WDR45B: variants seen among roughly 807,000 people sequenced by gnomAD.
The protein encoded by WDR45B is WD repeat domain 45B.
Under a neutral mutation model 44.6 loss-of-function variants are expected in WDR45B, and 20 were observed. That is an observed-to-expected ratio of 0.45 (90% CI 0.32 to 0.65). WDR45B has a LOEUF of 0.65. Ranked by LOEUF, WDR45B falls within the 30% of genes least tolerant of loss-of-function variation. The pLI, the probability that WDR45B is intolerant of heterozygous loss-of-function variation, is 0.05. For missense variants in WDR45B, 323 were observed against 430.2 expected, an observed-to-expected ratio of 0.75 and a Z score of 2.20; for synonymous variants, 169 against 164.9, an observed-to-expected ratio of 1.02 and a Z score of -0.19.
At chr17:82,642,650 A>C (rs1359912981) in intron 2 of WDR45B, among the ~76,000 whole-genome samples, 1 of 152,172 alleles carries the variant, frequency 6.6e-6, no homozygotes. Flanking sequence ...AACCTGTGGG[A>C]TCTGACTCTA....
chr17:82,647,274 A>C (rs529545663), intron 1 of WDR45B, among the ~76,000 whole-genome samples: 98 of 152,342 alleles, frequency 6.4e-4, no homozygotes, highest in African/African-American at 2.0e-3. Context: ...ATCATACAGC[A>C]CCTGCCTGGA....
At chr17:82,643,657 T>C (rs1364759227) in intron 2 of WDR45B, among the ~76,000 whole-genome samples, 1 of 152,206 alleles carries the variant, frequency 6.6e-6, no homozygotes, top group African/African-American at 2.4e-5. Flanking sequence ...AAGAGGTTTC[T>C]GCTGCCAAAA....
At position 82,614,949 on chromosome 17, in the gene WDR45B, T is replaced by TGAGGG. The variant is rs997276531; in HGVS notation, c.*965_*969dup. ...GTTAGTGTGTAGCTATTCTTACAAATGAGGGGAGGGGAGACGGTGGACCTG... is the reference window on the plus strand; with the variant it reads ...GTTAGTGTGTAGCTATTCTTACAAATGAGGGGAGGGGAGGGGAGACGGTGGACCTG... On this transcript the variant is annotated 3_prime_UTR_variant, in exon 10 of 10. Coordinates refer to ENST00000392325, the MANE Select transcript of WDR45B (RefSeq NM_019613.4). The TGAGGG allele has an allele frequency of 1.3e-5, 2 of 152,148 alleles. No individual in the cohort carries two copies. Among genetic ancestry groups the TGAGGG allele is most frequent in the Admixed American group, 6.5e-5 (1 of 15,278 alleles). The allele number at this position is 152,148 out of a possible 1,614,324, so 9.4% of individuals were successfully genotyped here.
chr17:82,640,260 C>G (rs911456222), intron 2 of WDR45B, among the ~76,000 whole-genome samples: 2 of 152,148 alleles, frequency 1.3e-5, no homozygotes, highest in African/African-American at 4.8e-5. Context: ...CACTGTCATG[C>G]AGGCTTCCTT....
chr17:82,622,642 C>G (rs1376637435), intron 5 of WDR45B, among the ~76,000 whole-genome samples: 3 of 152,088 alleles, frequency 2.0e-5, no homozygotes, highest in Non-Finnish European at 2.9e-5. Flanking sequence ...CCATATTAGC[C>G]AGGATGGTCT....
chr17:82,627,276 T>C lies in WDR45B; in HGVS notation c.260A>G (p.Asp87Gly). The change falls in exon 4 of 10, where the codon GAC (aspartate) becomes GGC (glycine). Residue 87 changes from aspartate to glycine, a missense_variant. Transcript: ENST00000392325. ...TTCAATAACAGTCTTCTTCTTCAGG[T>C]CATCCCAGATCATTACTGAAATATC... is the stretch of plus-strand genomic sequence containing the variant. The part of the protein sequence containing the change: ...YPPNKVMIWD[D>G]LKKKTVIEIE... 1 of 1,611,864 alleles carries C rather than the reference T, an allele frequency of 6.2e-7. No individual in the cohort carries two copies. The highest frequency in any genetic ancestry group is 8.5e-7 in the Non-Finnish European group (1 of 1,178,920).
At chr17:82,631,259 G>A (rs1192051280) in intron 2 of WDR45B, among the ~76,000 whole-genome samples, 1 of 149,142 alleles carries the variant, frequency 6.7e-6, no homozygotes, top group Non-Finnish European at 1.5e-5. Flanking sequence ...TTCCCAAGTA[G>A]CTGGGAATAC....
At chr17:82,620,157 G>T (rs1379901136) in intron 6 of WDR45B, among the ~76,000 whole-genome samples, 2 of 152,238 alleles carry the variant, frequency 1.3e-5, no homozygotes, top group Non-Finnish European at 2.9e-5. Flanking sequence ...TAAAGGGCTG[G>T]GTGCGGTGGC....
In WDR45B at chr17:82,616,035, A is replaced by G. The variant is rs2045529130; in HGVS notation, c.929-10T>C. 2.5e-6 allele frequency: 4 copies of G among 1,611,558 alleles called. No homozygotes were observed. Among genetic ancestry groups the G allele is most frequent in the South Asian group, 1.1e-5 (1 of 91,030 alleles). ...CCGTCTGCACAAATTGCTGGGATAG[A>G]AGGAGACCATTTTACCTGTGTGTTT... On this transcript the variant is annotated splice_polypyrimidine_tract_variant and intron_variant, in intron 9 of 9. Coordinates refer to ENST00000392325, the MANE Select transcript of WDR45B (RefSeq NM_019613.4).
At chr17:82,630,882 A>C in intron 3 of WDR45B, 39 bp downstream of exon 3, 3 of 1,559,458 alleles carry the variant, frequency 1.9e-6, no homozygotes, top group Non-Finnish European at 2.6e-6. Context: ...ACTGGGTGGG[A>C]CACGTGAGGC....
intron 1 of WDR45B, among the ~76,000 whole-genome samples, chr17:82,647,404 G>A (rs907076785): frequency 6.6e-6 from 1 of 152,184 alleles, no homozygotes; most frequent in Admixed American, 6.5e-5. Context: ...CCCTTCAAAT[G>A]GGAGGTGAGG....
At chr17:82,633,356 TTAA>T (rs1295227740) in intron 2 of WDR45B, among the ~76,000 whole-genome samples, 1 of 152,010 alleles carries the variant, frequency 6.6e-6, no homozygotes, top group Admixed American at 6.6e-5. Flanking sequence ...AATAAAAAAA[TTAA>T]TAATCTGATT....
intron 2 of WDR45B, among the ~76,000 whole-genome samples, chr17:82,632,020 G>T (rs973702635): frequency 3.9e-5 from 6 of 151,976 alleles, no homozygotes; most frequent in African/African-American, 1.5e-4. Context: ...GGCTGAGGCT[G>T]CAGTGAGCCG....
rs765940836 is a variant in WDR45B, at chr17:82,618,652, G to A, written c.704+391C>T. 5.3e-5 allele frequency among the ~76,000 whole-genome samples: 8 copies of A among 152,078 alleles called. No homozygotes were observed. In the East Asian group the frequency reaches 5.8e-4, roughly 11 times the overall value. ...CTCAGGAGGCTGAGGCAGGAGAATC[G>A]CTTGGGCCCAGGTCGAGGCTGTAGT... is the stretch of plus-strand genomic sequence containing the variant. On this transcript the variant is annotated intron_variant, in intron 7 of 9. Coordinates refer to ENST00000392325, the MANE Select transcript of WDR45B (RefSeq NM_019613.4).
intron 1 of WDR45B, among the ~76,000 whole-genome samples, chr17:82,647,816 G>A (rs2045999281): frequency 6.6e-6 from 1 of 152,080 alleles, no homozygotes; most frequent in African/African-American, 2.4e-5. Context: ...TAAAGACCCT[G>A]AAAGGAACAG....
At chr17:82,631,616 TCTAA>T (rs1216385286) in intron 2 of WDR45B, among the ~76,000 whole-genome samples, 1 of 61,984 alleles carries the variant, frequency 1.6e-5, no homozygotes. Context: ...GCAATTTATA[TCTAA>T]CTATCGTCAG....
At chr17:82,635,016 A>G (rs1294598261) in intron 2 of WDR45B, among the ~76,000 whole-genome samples, 2 of 152,026 alleles carry the variant, frequency 1.3e-5, no homozygotes, top group Non-Finnish European at 2.9e-5. Context: ...TTACTAGGAG[A>G]CAGGGGAGGC....
At chr17:82,616,077 AAGC>A in intron 9 of WDR45B, 52 bp from the exon 10 acceptor site, 2 of 1,530,472 alleles carry the variant, frequency 1.3e-6, no homozygotes, top group Non-Finnish European at 1.8e-6. Flanking sequence ...CTCAAGTTAA[AAGC>A]AACGAGTCCC....
At chr17:82,618,916 G>C (rs2045575328) in intron 7 of WDR45B, 127 bp downstream of exon 7, 2 of 828,986 alleles carry the variant, frequency 2.4e-6, no homozygotes, top group East Asian at 5.1e-5. Flanking sequence ...AGCAGCCCAA[G>C]CTTCTCCCTC....
Sources: allele counts gnomAD v4.1 joint callset (sites outside exome capture counted in the v4.1 genomes callset), GRCh38; gene constraint gnomAD v4.1.1; transcripts MANE v1.5; gene names NCBI Gene and HGNC (gene_info 2026-07-23, HGNC 2026-07-21).